SIPA1L1: variants seen among roughly 807,000 people sequenced by gnomAD.
The protein encoded by SIPA1L1 is signal induced proliferation associated 1 like 1.
SIPA1L1 carries 26 observed loss-of-function variants against 162.7 expected under a neutral mutation model. That is an observed-to-expected ratio of 0.16 (90% confidence interval 0.12 to 0.22). The LOEUF (loss-of-function observed/expected upper bound fraction) is 0.22. Ranked by LOEUF, SIPA1L1 falls within the 10% of genes least tolerant of loss-of-function variation. The pLI is 1.00. For synonymous variants in SIPA1L1, 829 were observed against 837.4 expected (o/e 0.99, Z 0.17); for missense variants, 1,874 against 2,241.0 (o/e 0.84, Z 3.31).
At chr14:71,602,636 T>C (rs545743083) in intron 5 of SIPA1L1, among the ~76,000 whole-genome samples, 1 of 152,378 alleles carries the variant, frequency 6.6e-6, no homozygotes, top group Non-Finnish European at 1.5e-5. Context: ...CTGGATGATC[T>C]GTCTAAGGAT....
At chr14:71,425,476 G>T (rs1467812841) in intron 2 of SIPA1L1, among the ~76,000 whole-genome samples, 1 of 151,992 alleles carries the variant, frequency 6.6e-6, no homozygotes, top group East Asian at 1.9e-4. Context: ...TGATCTATTG[G>T]TTAAGAATAT....
At position 71,587,610 on chromosome 14, in the gene SIPA1L1, T is replaced by G. The variant is rs2034778997; in HGVS notation, c.-263T>G. The G allele has an allele frequency of 2.2e-6, 1 of 464,584 alleles. No homozygotes were observed. The highest frequency in any genetic ancestry group is 3.8e-6 in the Non-Finnish European group (1 of 264,350). 28.8% of individuals were successfully genotyped at this position (464,584 alleles called of 1,614,324 possible). The stretch of plus-strand genomic sequence containing the variant: ...TATGGCAACCACAGAATCTCAGTAG[T>G]ACAAGTTCCATTCAGTTTTTTCTGA... On this transcript the variant is annotated 5_prime_UTR_variant, in exon 5 of 24. Coordinates refer to ENST00000381232, the MANE Select transcript of SIPA1L1 (RefSeq NM_001386936.1).
chr14:71,717,474 A>T (rs2083362331), intron 17 of SIPA1L1, among the ~76,000 whole-genome samples: 1 of 152,204 alleles, frequency 6.6e-6, no homozygotes, highest in Admixed American at 6.5e-5. Context: ...TGTTACATCT[A>T]ATGCTCTTTT....
intron 5 of SIPA1L1, among the ~76,000 whole-genome samples, chr14:71,607,785 T>C (rs2037704928): frequency 2.0e-5 from 3 of 152,208 alleles, no homozygotes; most frequent in South Asian, 4.1e-4. Context: ...GGTATTGTTA[T>C]CTGTGCCCCA....
Position 71,658,444 on chromosome 14 carries a change from A to ATCC in SIPA1L1, c.2097+13_2097+15dup. On this transcript the variant is annotated intron_variant, in intron 9 of 23. Coordinates refer to ENST00000381232, the MANE Select transcript of SIPA1L1 (RefSeq NM_001386936.1). ...CCCAACAACAAACAACAGGTAAGAG[A>ATCC]TCCTCCTGTTATCTGTGTTTTCACC... 1 of 1,475,526 alleles carries ATCC rather than the reference A, an allele frequency of 6.8e-7. No individual in the cohort carries two copies. Among genetic ancestry groups the ATCC allele is most frequent in the Non-Finnish European group, 9.5e-7 (1 of 1,053,770 alleles). 91.4% of individuals were successfully genotyped at this position (1,475,526 alleles called of 1,614,324 possible).
chr14:71,392,108 A>G (rs894302619), intron 2 of SIPA1L1, among the ~76,000 whole-genome samples: 4 of 152,324 alleles, frequency 2.6e-5, no homozygotes, highest in Middle Eastern at 3.4e-3. Flanking sequence ...TCCAAGCAAG[A>G]GGAAGCCAGA....
chr14:71,502,251 A>ATATATATATAT lies in SIPA1L1; in HGVS notation c.-464-10492_-464-10491insTATATATATAT, dbSNP rs1555440954. Among the ~76,000 whole-genome samples the ATATATATATAT allele has an allele frequency of 2.3e-3, 141 of 60,884 alleles. 1 individual carries two copies. Among genetic ancestry groups the ATATATATATAT allele is most frequent in the African/African-American group, 5.8e-3 (98 of 16,940 alleles). 39.9% of individuals were successfully genotyped at this position (60,884 alleles called of 152,430 possible). ...AGCCTTTGAGATACTTGAAAAAAAAAAAAAATATATATATATATATATATA... is the reference window on the plus strand; with the variant it reads ...AGCCTTTGAGATACTTGAAAAAAAAATATATATATATAAAAATATATATATATATATATATA... On this transcript the variant is annotated intron_variant, in intron 2 of 23. Coordinates refer to ENST00000381232, the MANE Select transcript of SIPA1L1 (RefSeq NM_001386936.1).
At chr14:71,665,105 AG>A (rs1254288105) in intron 10 of SIPA1L1, among the ~76,000 whole-genome samples, 1 of 152,208 alleles carries the variant, frequency 6.6e-6, no homozygotes, top group East Asian at 1.9e-4. Context: ...AAAATTATCC[AG>A]TGTTACCATG....
At chr14:71,405,406 T>A (rs1255363144) in intron 2 of SIPA1L1, among the ~76,000 whole-genome samples, 1 of 152,228 alleles carries the variant, frequency 6.6e-6, no homozygotes, top group Non-Finnish European at 1.5e-5. Flanking sequence ...ATGTAGGTCC[T>A]TATAGACCAT....
intron 15 of SIPA1L1, among the ~76,000 whole-genome samples, chr14:71,703,735 C>A (rs1036226288): frequency 3.9e-5 from 6 of 152,266 alleles, no homozygotes; most frequent in Middle Eastern, 3.4e-3. Context: ...AGGCTTTGAA[C>A]AAGGCTGCCA....
intron 2 of SIPA1L1, among the ~76,000 whole-genome samples, chr14:71,484,312 T>C (rs1393667452): frequency 2.0e-5 from 3 of 151,870 alleles, no homozygotes; most frequent in Admixed American, 2.0e-4. Flanking sequence ...CTTTTTTTTT[T>C]TCCTTTTTGA....
chr14:71,374,893 A>G (rs1342170409), intron 2 of SIPA1L1, among the ~76,000 whole-genome samples: 4 of 152,162 alleles, frequency 2.6e-5, no homozygotes, highest in African/African-American at 9.7e-5. Context: ...TGGTCAAGCC[A>G]TCATTCAGTA....
rs551553403 is a variant in SIPA1L1, at chr14:71,377,311, G to A, written c.-465+56130G>A. The stretch of plus-strand genomic sequence containing the variant: ...CCACTTCTCAGACAGGGCGGCTGCC[G>A]GGTGGAGGGGCTCCTCAACTTCTCA... On this transcript the variant is annotated intron_variant, in intron 2 of 23. Transcript: ENST00000381232. This position sits in a 1 kb window ranked among gnomAD's most constrained non-coding sequence, Gnocchi z 4.8. Among the ~76,000 whole-genome samples the A allele has an allele frequency of 1.8e-4, 27 of 151,700 alleles. No individual in the cohort carries two copies. The highest frequency in any genetic ancestry group is 5.9e-4 in the East Asian group (3 of 5,102).
chr14:71,564,398 G>A (rs1209182004), intron 4 of SIPA1L1, among the ~76,000 whole-genome samples: 1 of 136,330 alleles, frequency 7.3e-6, no homozygotes, highest in Non-Finnish European at 1.6e-5. Flanking sequence ...ATGGAGGTCT[G>A]CTTTTGTTTC....
intron 2 of SIPA1L1, among the ~76,000 whole-genome samples, chr14:71,343,359 G>A (rs2035844803): frequency 6.6e-6 from 1 of 152,146 alleles, no homozygotes; most frequent in Non-Finnish European, 1.5e-5. Context: ...GATGAGCTAT[G>A]TATTTCGTAG....
intron 17 of SIPA1L1, among the ~76,000 whole-genome samples, chr14:71,712,119 G>A (rs2082916542): frequency 6.6e-6 from 1 of 152,232 alleles, no homozygotes; most frequent in African/African-American, 2.4e-5. Flanking sequence ...AGCAATTAAT[G>A]TAGAGATATC....
At chr14:71,408,923 A>G (rs910274938) in intron 2 of SIPA1L1, among the ~76,000 whole-genome samples, 1 of 152,048 alleles carries the variant, frequency 6.6e-6, no homozygotes, top group African/African-American at 2.4e-5. Flanking sequence ...CAAATCTCTG[A>G]TGTAAAATCG....
At chr14:71,737,336 A>G (rs2085391597) in intron 22 of SIPA1L1, among the ~76,000 whole-genome samples, 1 of 152,102 alleles carries the variant, frequency 6.6e-6, no homozygotes, top group African/African-American at 2.4e-5. Context: ...GCTCTTTCCC[A>G]TTGGCGCTGG....
intron 5 of SIPA1L1, among the ~76,000 whole-genome samples, chr14:71,600,931 A>G (rs139717336): frequency 1.4e-3 from 208 of 152,182 alleles, no homozygotes; most frequent in Non-Finnish European, 2.5e-3. Context: ...ACTGAATTTT[A>G]TGTTGATGTT....
Sources: allele counts gnomAD v4.1 joint callset (sites outside exome capture counted in the v4.1 genomes callset), GRCh38; gene constraint gnomAD v4.1.1; non-coding constraint Gnocchi (gnomAD v3.1); transcripts MANE v1.5; gene names NCBI Gene and HGNC (gene_info 2026-07-23, HGNC 2026-07-21).